Variants in HCN1 observed in about 807,000 individuals in gnomAD.
The protein encoded by HCN1 is potassium/sodium hyperpolarization-activated cyclic nucleotide-gated channel 1.
Under a neutral mutation model 78.9 loss-of-function variants are expected in HCN1, and 13 were observed. That is an observed-to-expected ratio of 0.16 (90% CI 0.11 to 0.26). The LOEUF is 0.26. HCN1 is among the 10% of genes least tolerant of loss of function. HCN1 has a pLI of 1.00. For synonymous variants in HCN1, 552 were observed against 455.5 expected (o/e 1.21, Z -2.70); for missense variants, 810 against 1,154.3 (o/e 0.70, Z 4.32).
chr5:45,591,247 T>C (rs1353864321), intron 2 of HCN1, among the ~76,000 whole-genome samples: 1 of 152,206 alleles, frequency 6.6e-6, no homozygotes. Flanking sequence ...GTGCAGATTT[T>C]TGCACTAATG....
intron 4 of HCN1, among the ~76,000 whole-genome samples, chr5:45,391,854 C>T (rs867664512): frequency 7.9e-5 from 12 of 152,032 alleles, no homozygotes; most frequent in South Asian, 2.1e-4. Flanking sequence ...AGAGTAAATA[C>T]GGTAAACAAA....
intron 2 of HCN1, among the ~76,000 whole-genome samples, chr5:45,606,168 C>T (rs541932670): frequency 2.8e-4 from 42 of 152,054 alleles, no homozygotes; most frequent in African/African-American, 9.4e-4. Flanking sequence ...ATTTCTCTCA[C>T]TTTTATACCT....
intron 1 of HCN1, among the ~76,000 whole-genome samples, chr5:45,675,663 C>A (rs977647053): frequency 6.6e-6 from 1 of 151,784 alleles, no homozygotes; most frequent in Admixed American, 6.6e-5. Flanking sequence ...CACAAAGAGC[C>A]AAGTAAAGCT....
intron 4 of HCN1, among the ~76,000 whole-genome samples, chr5:45,380,521 G>A (rs997397967): frequency 2.6e-5 from 4 of 152,136 alleles, no homozygotes; most frequent in Admixed American, 6.6e-5. Flanking sequence ...GTTCAAAACT[G>A]CAGAGTTCTG....
At position 45,574,222 on chromosome 5, in the gene HCN1, A is replaced by T. The variant is rs949765883; in HGVS notation, c.849+70963T>A. On this transcript the variant is annotated intron_variant, in intron 2 of 7. Transcript: ENST00000303230. The stretch of plus-strand genomic sequence containing the variant: ...ATTTTTACAAATTTAAGATTTTTGC[A>T]ACTCTGCATCAACCAAGTCTATTGG... Among the ~76,000 whole-genome samples, 23 of 152,130 alleles carry T rather than the reference A, an allele frequency of 1.5e-4. 1 individual carries two copies. The highest frequency in any genetic ancestry group is 7.4e-5 in the Non-Finnish European group (5 of 68,012).
intron 2 of HCN1, among the ~76,000 whole-genome samples, chr5:45,517,213 G>A (rs922139917): frequency 3.9e-5 from 6 of 151,906 alleles, no homozygotes; most frequent in Non-Finnish European, 7.4e-5. Context: ...AACCACGATA[G>A]TCAGAACAGA....
chr5:45,670,133 T>C (rs1746121295), intron 1 of HCN1, among the ~76,000 whole-genome samples: 2 of 151,508 alleles, frequency 1.3e-5, no homozygotes, highest in Admixed American at 1.3e-4. Flanking sequence ...TTCACCAAAA[T>C]GGAGAAATTT....
intron 3 of HCN1, among the ~76,000 whole-genome samples, chr5:45,446,360 A>G (rs1389075861): frequency 5.3e-5 from 8 of 152,192 alleles, no homozygotes; most frequent in Admixed American, 5.2e-4. Flanking sequence ...AGAAACGAAC[A>G]AAGCCTCCAA....
chr5:45,373,972 C>G (rs1273004905), intron 4 of HCN1, among the ~76,000 whole-genome samples: 1 of 73,264 alleles, frequency 1.4e-5, no homozygotes, highest in East Asian at 4.2e-4. Flanking sequence ...ATATTACATA[C>G]AGTAGATACA....
At chr5:45,324,692 T>C (rs1378377353) in intron 5 of HCN1, among the ~76,000 whole-genome samples, 4 of 151,820 alleles carry the variant, frequency 2.6e-5, no homozygotes, top group South Asian at 2.1e-4. Flanking sequence ...AAGATTTGAA[T>C]GCTAAGACTT....
intron 1 of HCN1, among the ~76,000 whole-genome samples, chr5:45,668,865 C>T (rs951931916): frequency 6.6e-6 from 1 of 151,830 alleles, no homozygotes; most frequent in African/African-American, 2.4e-5. Context: ...TCGTGGTCCA[C>T]TAGTATCTTG....
intron 4 of HCN1, among the ~76,000 whole-genome samples, chr5:45,354,302 GA>G (rs934218396): frequency 4.0e-5 from 6 of 149,732 alleles, no homozygotes; most frequent in South Asian, 2.1e-4. Flanking sequence ...ACCACACACT[GA>G]AAAAAAAATA....
Position 45,645,729 on chromosome 5 carries a change from A to AT in HCN1, c.426-122dup. On this transcript the variant is annotated intron_variant, in intron 1 of 7. Transcript: ENST00000303230. ...AGTAAAAGAACAAAGAAATGATTTT[A>AT]TTTTTTAAAAATGTAATTCCTTAAA... The AT allele has an allele frequency of 8.3e-6, 5 of 598,948 alleles. No individual in the cohort carries two copies. The South Asian group carries it at 1.0e-4, about 13-fold the overall frequency. 37.1% of individuals were successfully genotyped at this position (598,948 alleles called of 1,614,324 possible). A position where few individuals can be genotyped will look rare whatever the true frequency, so the allele number is the denominator to read the frequency against.
chr5:45,666,611 G>A (rs1434882440), intron 1 of HCN1, among the ~76,000 whole-genome samples: 1 of 151,954 alleles, frequency 6.6e-6, no homozygotes, highest in Non-Finnish European at 1.5e-5. Context: ...ATTTTTGTAT[G>A]TATGTGGATA....
chr5:45,639,039 G>A (rs996818682), intron 2 of HCN1, among the ~76,000 whole-genome samples: 2 of 151,936 alleles, frequency 1.3e-5, no homozygotes, highest in South Asian at 2.1e-4. Context: ...GTTTAGAGAC[G>A]GAACTTAAAA....
At chr5:45,334,837 A>G (rs972300909) in intron 5 of HCN1, among the ~76,000 whole-genome samples, 16 of 152,026 alleles carry the variant, frequency 1.1e-4, no homozygotes, top group Non-Finnish European at 2.1e-4. Context: ...AGATGCTGGT[A>G]TAGCTTCACA....
intron 4 of HCN1, among the ~76,000 whole-genome samples, chr5:45,374,292 A>G (rs1370633122): frequency 2.3e-5 from 3 of 129,518 alleles, no homozygotes; most frequent in Non-Finnish European, 4.7e-5. Context: ...TATATACATT[A>G]TATATATTGT....
chr5:45,603,131 C>T (rs1241564428), intron 2 of HCN1, among the ~76,000 whole-genome samples: 1 of 152,048 alleles, frequency 6.6e-6, no homozygotes, highest in East Asian at 1.9e-4. Flanking sequence ...GGCAGGAAAA[C>T]ACAACCTATA....
Position 45,462,839 on chromosome 5 carries a change from A to G in HCN1, c.850-832T>C, listed in dbSNP as rs1192717441. On this transcript the variant is annotated intron_variant, in intron 2 of 7. Coordinates refer to ENST00000303230, the MANE Select transcript of HCN1 (RefSeq NM_021072.4). Reference sequence around the variant, plus strand: ...CTCATTTTTCTAGAATTTACAAGAAATAGATTCAGAATGTGAGTCCTTTCT... The same window carrying G: ...CTCATTTTTCTAGAATTTACAAGAAGTAGATTCAGAATGTGAGTCCTTTCT... Among the ~76,000 whole-genome samples the G allele has an allele frequency of 2.0e-5, 3 of 152,168 alleles. No individual in the cohort carries two copies. The East Asian group carries it at 5.8e-4, about 29-fold the overall frequency.
Sources: gnomAD v4.1 joint callset for allele counts (sites outside exome capture counted in the v4.1 genomes callset) on GRCh38, gnomAD v4.1.1 for gene constraint, MANE v1.5 for transcripts, NCBI Gene and HGNC (gene_info 2026-07-23, HGNC 2026-07-21) for gene names.